CABIN1: variants seen among roughly 807,000 people sequenced by gnomAD.
CABIN1 encodes calcineurin-binding protein cabin-1.
CABIN1 carries 133 observed loss-of-function variants against 227.7 expected under a neutral mutation model. The observed-to-expected ratio is 0.58, with a 90% CI of 0.51 to 0.67. The LOEUF (loss-of-function observed/expected upper bound fraction) is 0.67. Ranked by LOEUF, CABIN1 falls within the 30% of genes least tolerant of loss-of-function variation. CABIN1 has a pLI of 0.00. For synonymous variants in CABIN1, 1,086 were observed against 1,155.1 expected (o/e 0.94, Z 1.21); for missense variants, 2,408 against 2,852.5 (o/e 0.84, Z 3.55).
intron 34 of CABIN1, among the ~76,000 whole-genome samples, chr22:24,172,625 A>T (rs2046882846): frequency 6.6e-6 from 1 of 152,222 alleles, no homozygotes; most frequent in South Asian, 2.1e-4. Flanking sequence ...TGCTGGCCTC[A>T]TCGGTGAAAG....
intron 3 of CABIN1, among the ~76,000 whole-genome samples, chr22:24,037,666 C>T (rs760161362): frequency 6.6e-6 from 1 of 152,076 alleles, no homozygotes; most frequent in Non-Finnish European, 1.5e-5. Flanking sequence ...GGGGTATTTT[C>T]CCCCCATACC....
At chr22:24,017,834 C>T (rs937231531) in intron 1 of CABIN1, among the ~76,000 whole-genome samples, 1 of 151,088 alleles carries the variant, frequency 6.6e-6, no homozygotes, top group African/African-American at 2.4e-5. Flanking sequence ...GGCCACCTTT[C>T]GACTATTGTA....
At chr22:24,101,259 A>G (rs2042186479) in intron 26 of CABIN1, among the ~76,000 whole-genome samples, 1 of 152,220 alleles carries the variant, frequency 6.6e-6, no homozygotes, top group African/African-American at 2.4e-5. Flanking sequence ...GCTAGGATCA[A>G]TTCTGATTTG....
At chr22:24,144,079 G>A (rs2044955992) in intron 29 of CABIN1, among the ~76,000 whole-genome samples, 1 of 152,210 alleles carries the variant, frequency 6.6e-6, no homozygotes. Flanking sequence ...GTGCTATTGT[G>A]TCCCTTTGAA....
At chr22:24,048,706 C>A (rs908744410) in intron 6 of CABIN1, among the ~76,000 whole-genome samples, 1 of 152,214 alleles carries the variant, frequency 6.6e-6, no homozygotes, top group African/African-American at 2.4e-5. Context: ...AGGCGTGAGC[C>A]CTGTGCCTGG....
intron 15 of CABIN1, among the ~76,000 whole-genome samples, chr22:24,064,467 G>A (rs533596359): frequency 2.7e-5 from 4 of 150,286 alleles, no homozygotes; most frequent in East Asian, 2.0e-4. Flanking sequence ...TTGGCCTCTC[G>A]CAGTGCTGGG....
chr22:24,054,960 T>G lies in CABIN1; in HGVS notation c.894T>G (p.Ile298Met). 1 of 1,614,200 alleles carries G rather than the reference T, an allele frequency of 6.2e-7. No homozygotes were observed. The stretch of plus-strand genomic sequence containing the variant: ...CACGTCCCAGCCTTGGCAAAAGGAT[T>G]GATTTGTCGGACTACCAGGACCCCA... ...EPPRPSLGKR[I>M]DLSDYQDPSQ... The change falls in exon 9 of 37, where the codon ATT becomes ATG. Residue 298 changes from isoleucine (I) to methionine (M), a missense_variant. Transcript: ENST00000263119.
chr22:24,016,692 T>C (rs2035311196), intron 1 of CABIN1, among the ~76,000 whole-genome samples: 1 of 152,222 alleles, frequency 6.6e-6, no homozygotes, highest in Non-Finnish European at 1.5e-5. Flanking sequence ...GAAAGGTAAA[T>C]GCATATGTAG....
intron 28 of CABIN1, among the ~76,000 whole-genome samples, chr22:24,123,152 A>C (rs1424357179): frequency 6.6e-6 from 1 of 152,138 alleles, no homozygotes. Flanking sequence ...CCCACCCAGT[A>C]GCAGGGATGG....
At chr22:24,085,229 G>A (rs1261980257) in intron 22 of CABIN1, 78 bp downstream of exon 22, 3 of 1,497,150 alleles carry the variant, frequency 2.0e-6, no homozygotes, top group African/African-American at 1.4e-5. Context: ...TCTTCAGTGG[G>A]CCACTTTGGG....
In CABIN1 at chr22:24,165,688, G is replaced by T; in HGVS notation, c.5007+62G>T. 3 of 1,398,578 alleles carry T rather than the reference G, an allele frequency of 2.1e-6. No homozygotes were observed. In the South Asian group the frequency reaches 3.6e-5, roughly 17 times the overall value. 86.6% of individuals were successfully genotyped at this position (1,398,578 alleles called of 1,614,324 possible). On this transcript the variant is annotated intron_variant, in intron 31 of 36. Coordinates refer to ENST00000263119, the MANE Select transcript of CABIN1 (RefSeq NM_012295.4). ...TGAACACGCTTCCAAGCCCTTCCCA[G>T]GTGGTGGGCCCGATCCCTCTATTTG...
At chr22:24,017,986 T>C (rs2035428709) in intron 1 of CABIN1, among the ~76,000 whole-genome samples, 1 of 152,150 alleles carries the variant, frequency 6.6e-6, no homozygotes, top group Non-Finnish European at 1.5e-5. Flanking sequence ...CCTGAGTAGC[T>C]GGGACTACAG....
At chr22:24,162,388 G>A (rs556978384) in intron 29 of CABIN1, among the ~76,000 whole-genome samples, 1 of 152,322 alleles carries the variant, frequency 6.6e-6, no homozygotes, top group Non-Finnish European at 1.5e-5. Flanking sequence ...AATCCTGGGG[G>A]CAGGGAAAGG....
chr22:24,158,041 A>T (rs895267143), intron 29 of CABIN1, among the ~76,000 whole-genome samples: 6 of 152,168 alleles, frequency 3.9e-5, no homozygotes, highest in African/African-American at 1.4e-4. Flanking sequence ...TGTTCCGAGC[A>T]CTGAGTCACC....
Position 24,055,017 on chromosome 22 carries a change from G to C in CABIN1, c.951G>C (p.Thr317=), listed in dbSNP as rs112872661. ...SQPLESSMVV[T]PVNVIQPSTV... is the part of the protein sequence containing the mutation. ...CTCTTGAGTCCTCCATGGTGGTGAC[G>C]CCAGTTAACGTGATCCAGCCAAGCA... is the stretch of plus-strand genomic sequence containing the variant. The change falls in exon 9 of 37, where the codon ACG becomes ACC. Residue 317 remains threonine, a synonymous_variant. Transcript: ENST00000263119. The C allele has an allele frequency of 6.2e-7, 1 of 1,614,214 alleles. No homozygotes were observed. Among genetic ancestry groups the C allele is most frequent in the South Asian group, 1.1e-5 (1 of 91,080 alleles).
chr22:24,173,903 T>A (rs2046968595), intron 34 of CABIN1, among the ~76,000 whole-genome samples: 1 of 152,144 alleles, frequency 6.6e-6, no homozygotes, highest in Admixed American at 6.6e-5. Flanking sequence ...TCTGCCTCAG[T>A]TTCCTGCATA....
chr22:24,156,858 G>C (rs1408155133), intron 29 of CABIN1, among the ~76,000 whole-genome samples: 1 of 152,216 alleles, frequency 6.6e-6, no homozygotes, highest in Non-Finnish European at 1.5e-5. Context: ...TTTCCCGGGA[G>C]GGGGAAGGGA....
intron 20 of CABIN1, among the ~76,000 whole-genome samples, chr22:24,084,235 T>C (rs568659034): frequency 1.3e-5 from 2 of 152,030 alleles, no homozygotes; most frequent in South Asian, 4.2e-4. Flanking sequence ...ATAGTGGGCA[T>C]GCAGATTTTT....
chr22:24,128,315 G>A (rs947704651), intron 28 of CABIN1, among the ~76,000 whole-genome samples: 1 of 151,432 alleles, frequency 6.6e-6, no homozygotes, highest in Non-Finnish European at 1.5e-5. Context: ...GGGAGGGTGG[G>A]CACAGCTTTT....
Sources: gnomAD v4.1 joint callset for allele counts (sites outside exome capture counted in the v4.1 genomes callset) on GRCh38, gnomAD v4.1.1 for gene constraint, MANE v1.5 for transcripts, NCBI Gene and HGNC (gene_info 2026-07-23, HGNC 2026-07-21) for gene names.